FREM1: variants seen among roughly 807,000 people sequenced by gnomAD.
FREM1 encodes the protein FRAS1 related extracellular matrix 1.
In FREM1, 220 loss-of-function variants were observed where a neutral mutation model predicts 210.1. That is an observed-to-expected ratio of 1.05 (90% CI 0.94 to 1.17). FREM1 has a LOEUF of 1.17. Among genes scored for constraint, FREM1 ranks in the 50% most tolerant of loss-of-function variants. The probability of loss-of-function intolerance (pLI) is 0.00; values close to 1 mark genes in which losing one functional copy is unlikely to be tolerated. For synonymous variants in FREM1, 1,189 were observed against 980.2 expected (o/e 1.21, Z -3.98); for missense variants, 3,454 against 2,675.5 (o/e 1.29, Z -6.42).
chr9:14,830,978 C>G (rs1412036855), intron 10 of FREM1, among the ~76,000 whole-genome samples: 1 of 152,186 alleles, frequency 6.6e-6, no homozygotes, highest in South Asian at 2.1e-4. Flanking sequence ...AGTATATACG[C>G]TTATTGTTGG....
intron 1 of FREM1, among the ~76,000 whole-genome samples, chr9:14,876,885 T>C (rs114903131): frequency 0.019 from 2,861 of 152,282 alleles, 86 homozygotes; most frequent in African/African-American, 0.065. Flanking sequence ...CATTCACATT[T>C]GGCATCTAAC....
chr9:14,811,305 T>C (rs7862726), intron 16 of FREM1, among the ~76,000 whole-genome samples: 4,735 of 152,294 alleles, frequency 0.031, 219 homozygotes, highest in African/African-American at 0.11. Context: ...ATTTAGAAAT[T>C]TGTATACCTG....
chr9:14,832,821 A>G (rs116781036), intron 10 of FREM1, among the ~76,000 whole-genome samples: 2,092 of 152,240 alleles, frequency 0.014, 59 homozygotes, highest in African/African-American at 0.047. Flanking sequence ...TATAATTAAT[A>G]AAAAAAGGAT....
Position 14,775,854 on chromosome 9 carries a change from C to A in FREM1, c.4792G>T (p.Gly1598Trp). 1 of 1,613,914 alleles carries A rather than the reference C, an allele frequency of 6.2e-7. No individual in the cohort carries two copies. Residue 1598 changes from glycine (G) to tryptophan (W), a missense_variant, in exon 25 of 37, where the codon GGG becomes TGG. Transcript: ENST00000380880. ...TTCACAATAAAGCCTTGGTTTGTCC[C>A]ATCTGTGGCCATGAAAGTAAAGCAG... ...TDCFTFMATD[G>W]TNQGFIVNGR...
At chr9:14,824,604 C>T (rs1318825687) in intron 11 of FREM1, among the ~76,000 whole-genome samples, 192 bp downstream of exon 11, 1 of 152,094 alleles carries the variant, frequency 6.6e-6, no homozygotes, top group Non-Finnish European at 1.5e-5. Flanking sequence ...GATCACTTAC[C>T]AACTAATACA....
chr9:14,840,038 A>T (rs184348124), intron 10 of FREM1, among the ~76,000 whole-genome samples: 1 of 152,228 alleles, frequency 6.6e-6, no homozygotes, highest in Non-Finnish European at 1.5e-5. Flanking sequence ...TTCCTTCTTA[A>T]TAGGGATTAC....
intron 29 of FREM1, among the ~76,000 whole-genome samples, chr9:14,754,630 T>C (rs1212762744): frequency 6.6e-6 from 1 of 152,054 alleles, no homozygotes; most frequent in Non-Finnish European, 1.5e-5. Context: ...TTATGACTGG[T>C]ATTGTATAAA....
chr9:14,902,472 G>C (rs192281202), intron 1 of FREM1, among the ~76,000 whole-genome samples: 1 of 152,264 alleles, frequency 6.6e-6, no homozygotes, highest in Admixed American at 6.5e-5. Context: ...TGGCACAAAA[G>C]CAACTTACAA....
At chr9:14,868,446 T>G (rs1831955977) in intron 2 of FREM1, among the ~76,000 whole-genome samples, 1 of 152,196 alleles carries the variant, frequency 6.6e-6, no homozygotes, top group Non-Finnish European at 1.5e-5. Flanking sequence ...CCATATTAGT[T>G]TGAACCTGAT....
chr9:14,766,384 G>A (rs1846412408), intron 27 of FREM1, among the ~76,000 whole-genome samples: 1 of 152,142 alleles, frequency 6.6e-6, no homozygotes, highest in African/African-American at 2.4e-5. Context: ...GGGGTGGCAG[G>A]TAGAGAGAGG....
chr9:14,780,758 G>T (rs1031267834), intron 24 of FREM1, among the ~76,000 whole-genome samples: 32 of 152,174 alleles, frequency 2.1e-4, no homozygotes, highest in Non-Finnish European at 1.3e-4. Flanking sequence ...CAAATTCCTT[G>T]CCAAATTTAA....
intron 36 of FREM1, among the ~76,000 whole-genome samples, chr9:14,739,019 A>C (rs1004364937): frequency 2.0e-5 from 3 of 151,330 alleles, no homozygotes; most frequent in Non-Finnish European, 2.9e-5. Flanking sequence ...CAAAAAAAAA[A>C]AAAAAAAAAA....
chr9:14,853,770 G>C (rs1158622751), intron 5 of FREM1, among the ~76,000 whole-genome samples: 1 of 152,232 alleles, frequency 6.6e-6, no homozygotes, highest in African/African-American at 2.4e-5. Context: ...AGATGTCCCA[G>C]GGTTTAGAGT....
intron 14 of FREM1, among the ~76,000 whole-genome samples, chr9:14,818,936 T>C (rs949245875): frequency 6.6e-6 from 1 of 152,188 alleles, no homozygotes; most frequent in Admixed American, 6.5e-5. Context: ...AGTTTGACTA[T>C]TACCTCCTGT....
intron 27 of FREM1, among the ~76,000 whole-genome samples, chr9:14,764,184 C>A (rs892086602): frequency 1.3e-5 from 2 of 152,180 alleles, no homozygotes; most frequent in African/African-American, 4.8e-5. Context: ...TCTTGCCTGC[C>A]ACCATGTAAG....
chr9:14,810,327 G>T (rs188884200), intron 16 of FREM1, among the ~76,000 whole-genome samples: 186 of 152,256 alleles, frequency 1.2e-3, no homozygotes, highest in Non-Finnish European at 1.5e-3. Context: ...AGAAATAGCT[G>T]GGAAAGCAGG....
intron 24 of FREM1, among the ~76,000 whole-genome samples, chr9:14,782,643 T>A (rs1420515500): frequency 1.3e-5 from 2 of 152,218 alleles, no homozygotes; most frequent in East Asian, 3.8e-4. Flanking sequence ...ACTCCTTTCC[T>A]CCTTCAAGAT....
intron 8 of FREM1, among the ~76,000 whole-genome samples, chr9:14,843,262 G>A (rs1436048316): frequency 2.6e-5 from 4 of 151,970 alleles, no homozygotes; most frequent in African/African-American, 9.7e-5. Context: ...CCTCATTTGT[G>A]CCTCCACCCT....
At chr9:14,857,342 G>A (rs140858927) in intron 5 of FREM1, among the ~76,000 whole-genome samples, 1 of 152,280 alleles carries the variant, frequency 6.6e-6, no homozygotes, top group East Asian at 1.9e-4. Flanking sequence ...ACCTAGAAGA[G>A]AACCAGAGAA....
Sources: allele counts gnomAD v4.1 joint callset (sites outside exome capture counted in the v4.1 genomes callset), GRCh38; gene constraint gnomAD v4.1.1; transcripts MANE v1.5; gene names NCBI Gene and HGNC (gene_info 2026-07-23, HGNC 2026-07-21).